Variants in CDKAL1 observed in about 807,000 individuals in gnomAD.
CDKAL1 encodes CDKAL1 threonylcarbamoyladenosine tRNA methylthiotransferase.
In CDKAL1, 32 loss-of-function variants were observed where a neutral mutation model predicts 68.2. The ratio of observed to expected loss-of-function variants is 0.47; its 90% CI spans 0.35 to 0.63. The LOEUF (loss-of-function observed/expected upper bound fraction) is 0.63. Among genes scored for constraint, CDKAL1 ranks in the 30% least tolerant of loss-of-function variants. The pLI, the probability that CDKAL1 is intolerant of heterozygous loss-of-function variation, is 0.00. For missense variants in CDKAL1, 606 were observed against 696.7 expected (o/e 0.87, Z 1.47); for synonymous variants, 234 against 244.3 (o/e 0.96, Z 0.39).
intron 10 of CDKAL1, among the ~76,000 whole-genome samples, chr6:20,959,214 CTTTATT>C (rs1318609919): frequency 6.6e-6 from 1 of 152,048 alleles, no homozygotes; most frequent in African/African-American, 2.4e-5. Flanking sequence ...CATCTGCAAA[CTTTATT>C]TTTAGTATCA....
At chr6:20,938,017 A>G (rs910478420) in intron 9 of CDKAL1, among the ~76,000 whole-genome samples, 1 of 152,146 alleles carries the variant, frequency 6.6e-6, no homozygotes, top group Non-Finnish European at 1.5e-5. Flanking sequence ...TGATTTTCCT[A>G]TCTTACCTTT....
At chr6:20,904,434 G>A (rs1465006058) in intron 9 of CDKAL1, among the ~76,000 whole-genome samples, 2 of 152,002 alleles carry the variant, frequency 1.3e-5, no homozygotes, top group Non-Finnish European at 2.9e-5. Context: ...CATTTTGGGA[G>A]CCAGATCCTG....
intron 8 of CDKAL1, among the ~76,000 whole-genome samples, chr6:20,826,156 A>C (rs1777494442): frequency 6.6e-6 from 1 of 152,276 alleles, no homozygotes; most frequent in East Asian, 1.9e-4. Context: ...TTTAAGCAGA[A>C]GCCACTTTTC....
At chr6:21,062,110 G>A (rs1454251732) in intron 11 of CDKAL1, among the ~76,000 whole-genome samples, 1 of 152,148 alleles carries the variant, frequency 6.6e-6, no homozygotes, top group Non-Finnish European at 1.5e-5. Flanking sequence ...CAACCATAAT[G>A]TATCAAGAAG....
At chr6:20,841,209 G>A (rs1778160703) in intron 8 of CDKAL1, among the ~76,000 whole-genome samples, 1 of 152,164 alleles carries the variant, frequency 6.6e-6, no homozygotes. Context: ...ATTAAATTAT[G>A]TGAGTGGAAT....
intron 13 of CDKAL1, among the ~76,000 whole-genome samples, chr6:21,116,078 T>C (rs908305998): frequency 2.6e-5 from 4 of 152,230 alleles, no homozygotes; most frequent in African/African-American, 9.6e-5. Context: ...ATTATACCTA[T>C]ACATTTTGGC....
rs41272361 is a variant in CDKAL1 at position 20,739,500 on chromosome 6, C to T, written c.372-19C>T. Reference sequence around the variant, plus strand: ...CCATGAGCAAAGGAATTCACATTGTCTTCTCTTCAATCTTTTAGAAAAGCT... The same window carrying T: ...CCATGAGCAAAGGAATTCACATTGTTTTCTCTTCAATCTTTTAGAAAAGCT... On this transcript the variant is annotated intron_variant, in intron 5 of 15. Transcript: ENST00000274695. 73,269 of 1,526,410 alleles carry T rather than the reference C, an allele frequency of 0.048. 2,040 individuals carry two copies. The highest frequency in any genetic ancestry group is 0.1 in the African/African-American group (7,592 of 73,072). 94.6% of individuals were successfully genotyped at this position (1,526,410 alleles called of 1,614,324 possible).
At chr6:20,707,467 A>G (rs1431874660) in intron 5 of CDKAL1, among the ~76,000 whole-genome samples, 1 of 152,228 alleles carries the variant, frequency 6.6e-6, no homozygotes, top group Non-Finnish European at 1.5e-5. Flanking sequence ...ATTCTTATCT[A>G]CAACATAAAA....
intron 7 of CDKAL1, among the ~76,000 whole-genome samples, chr6:20,761,909 A>G (rs545100832): frequency 6.6e-6 from 1 of 152,260 alleles, no homozygotes; most frequent in East Asian, 1.9e-4. Flanking sequence ...CCTAATGTAA[A>G]CTGTGGACTC....
At chr6:20,797,820 T>TTTTATTTTA (rs1421899023) in intron 8 of CDKAL1, among the ~76,000 whole-genome samples, 5 of 145,544 alleles carry the variant, frequency 3.4e-5, no homozygotes, top group African/African-American at 1.3e-4. Flanking sequence ...TTTTATTTTA[T>TTTTATTTTA]TTTATTTTTT....
intron 10 of CDKAL1, among the ~76,000 whole-genome samples, chr6:20,988,182 A>ATGTGTGTGTGTGTG (rs58720900): frequency 0.025 from 3,486 of 137,414 alleles, 79 homozygotes; most frequent in East Asian, 0.088. Context: ...GAAACATAAT[A>ATGTGTGTGTGTGTG]TGTGTGTGTG....
intron 15 of CDKAL1, among the ~76,000 whole-genome samples, chr6:21,226,534 T>C (rs1387785371): frequency 6.6e-6 from 1 of 152,256 alleles, no homozygotes; most frequent in African/African-American, 2.4e-5. Flanking sequence ...GTCTTTATTA[T>C]AACAGGATAA....
intron 9 of CDKAL1, among the ~76,000 whole-genome samples, chr6:20,943,889 C>G (rs1246551393): frequency 6.6e-6 from 1 of 151,960 alleles, no homozygotes; most frequent in East Asian, 1.9e-4. Flanking sequence ...AAGTACGAAC[C>G]CAGCCTGGGC....
At chr6:20,851,803 C>T (rs1055095357) in intron 9 of CDKAL1, among the ~76,000 whole-genome samples, 2 of 151,402 alleles carry the variant, frequency 1.3e-5, no homozygotes, top group East Asian at 1.9e-4. Context: ...AACTGTAGTA[C>T]ATTGCTTCCA....
At chr6:21,215,956 C>T (rs566003132) in intron 15 of CDKAL1, among the ~76,000 whole-genome samples, 1 of 152,156 alleles carries the variant, frequency 6.6e-6, no homozygotes, top group South Asian at 2.1e-4. Flanking sequence ...CAGATGGGCC[C>T]AGTGTAATCA....
chr6:20,590,420 CAT>C (rs1273123506), intron 4 of CDKAL1, among the ~76,000 whole-genome samples: 7 of 152,044 alleles, frequency 4.6e-5, no homozygotes, highest in African/African-American at 1.7e-4. Flanking sequence ...TTGTTCAAAA[CAT>C]AGGTATACAC....
intron 7 of CDKAL1, among the ~76,000 whole-genome samples, chr6:20,775,136 A>G (rs998356759): frequency 3.3e-5 from 5 of 152,110 alleles, no homozygotes; most frequent in Non-Finnish European, 5.9e-5. Flanking sequence ...TTAAAGTTGC[A>G]TATCTATTTT....
intron 10 of CDKAL1, among the ~76,000 whole-genome samples, chr6:20,987,816 G>A (rs1017914490): frequency 6.6e-6 from 1 of 151,960 alleles, no homozygotes; most frequent in African/African-American, 2.4e-5. Context: ...GTCTTACTCT[G>A]TTGCCCAGGT....
chr6:20,577,516 C>A (rs1236666171), intron 4 of CDKAL1, among the ~76,000 whole-genome samples: 1 of 152,164 alleles, frequency 6.6e-6, no homozygotes, highest in Non-Finnish European at 1.5e-5. Context: ...GTCACCTCTA[C>A]CAGGCTGTAC....
Sources: gnomAD v4.1 joint callset for allele counts (sites outside exome capture counted in the v4.1 genomes callset) on GRCh38, gnomAD v4.1.1 for gene constraint, MANE v1.5 for transcripts, NCBI Gene and HGNC (gene_info 2026-07-23, HGNC 2026-07-21) for gene names.